The following KLF15 variants were observed in gnomAD, a reference collection of about 807,000 sequenced individuals.
KLF15 encodes the protein KLF transcription factor 15, also known as Krueppel-like factor 15.
KLF15 carries 4 observed loss-of-function variants against 24.6 expected under a neutral mutation model. The observed-to-expected ratio is 0.16, with a 90% CI of 0.08 to 0.37. The LOEUF is 0.37. Ranked by LOEUF, KLF15 falls within the 10% of genes least tolerant of loss-of-function variation. KLF15 has a pLI of 1.00. For synonymous variants in KLF15, 246 were observed against 236.3 expected (o/e 1.04, Z -0.37); for missense variants, 496 against 560.6 (o/e 0.88, Z 1.16).
chr3:126,352,340 G>A lies in KLF15; in HGVS notation c.583C>T (p.Pro195Ser), dbSNP rs891572613. ...GSSGRERCSP[P>S]PGGASAGGAQ... ...CCTCCTGCACTGGCACCACCTGGTG[G>A]AGGGGAACAGCGCTCTCTCCCGCTG... is the stretch of plus-strand genomic sequence containing the variant. The change falls in exon 2 of 3, where the codon CCA (proline) becomes TCA (serine). Residue 195 changes from proline (P) to serine (S), a missense_variant. Pro to Ser is a moderately conservative substitution (Grantham distance 74, BLOSUM62 -1). Transcript: ENST00000296233. 1.3e-6 allele frequency: 2 copies of A among 1,586,040 alleles called. No individual in the cohort carries two copies. The highest frequency in any genetic ancestry group is 1.7e-4 in the Middle Eastern group (1 of 5,896).
downstream of KLF15, among the ~76,000 whole-genome samples, chr3:126,340,381 C>G (rs1279009742): frequency 6.6e-6 from 1 of 152,222 alleles, no homozygotes; most frequent in Admixed American, 6.5e-5. Flanking sequence ...TCCCAGCTGG[C>G]CCAGTCCTGT....
the KLF15 span, among the ~76,000 whole-genome samples, chr3:126,295,051 T>A: frequency 6.6e-6 from 1 of 152,208 alleles, no homozygotes; most frequent in Non-Finnish European, 1.5e-5. Flanking sequence ...TGCACATGCA[T>A]GCACTTATAC....
chr3:126,289,438 T>C, the KLF15 span, among the ~76,000 whole-genome samples: 1 of 152,238 alleles, frequency 6.6e-6, no homozygotes, highest in Non-Finnish European at 1.5e-5. Context: ...TTAATATCTG[T>C]GTTGCATAAA....
the KLF15 span, among the ~76,000 whole-genome samples, chr3:126,326,159 C>T: frequency 4.1e-5 from 4 of 98,106 alleles, no homozygotes; most frequent in African/African-American, 1.7e-4. Flanking sequence ...TGTTCTGTTC[C>T]ATTGATCTAT....
the KLF15 span, among the ~76,000 whole-genome samples, chr3:126,304,405 G>A: frequency 6.6e-6 from 1 of 152,180 alleles, no homozygotes; most frequent in African/African-American, 2.4e-5. Context: ...ACCTATATGA[G>A]CTGTATCAGC....
At position 126,346,288 on chromosome 3, in the gene KLF15, G is replaced by A. The variant is rs538583971; in HGVS notation, c.1083-2393C>T. ...CACAGAGTGCCACGCCTCCCAGGCT[G>A]CAGCCCTGGGGTCACCCAGCATCTC... On this transcript the variant is annotated intron_variant, in intron 2 of 2. Coordinates refer to ENST00000296233, the MANE Select transcript of KLF15 (RefSeq NM_014079.4). 1.1e-3 allele frequency among the ~76,000 whole-genome samples: 167 copies of A among 152,302 alleles called. 1 individual carries two copies. The highest frequency in any genetic ancestry group is 3.8e-3 in the African/African-American group (157 of 41,576).
At chr3:126,311,214 A>T in the KLF15 span, among the ~76,000 whole-genome samples, 2 of 152,192 alleles carry the variant, frequency 1.3e-5, no homozygotes, top group African/African-American at 4.8e-5. Flanking sequence ...CCTCATCCAG[A>T]GACAGGCAAA....
At chr3:126,309,956 C>T in the KLF15 span, among the ~76,000 whole-genome samples, 9 of 152,302 alleles carry the variant, frequency 5.9e-5, no homozygotes, top group South Asian at 1.0e-3. Flanking sequence ...CCGTTTGTCC[C>T]GCAAAAATGG....
At chr3:126,329,547 G>C in the KLF15 span, among the ~76,000 whole-genome samples, 1 of 152,022 alleles carries the variant, frequency 6.6e-6, no homozygotes, top group African/African-American at 2.4e-5. Context: ...ACCTCTATAG[G>C]ATGTTTCAGT....
the KLF15 span, among the ~76,000 whole-genome samples, chr3:126,296,088 G>A: frequency 6.6e-6 from 1 of 152,152 alleles, no homozygotes; most frequent in Non-Finnish European, 1.5e-5. Flanking sequence ...CTTTAACAAG[G>A]TATTATTTAA....
At chr3:126,308,209 G>T in the KLF15 span, among the ~76,000 whole-genome samples, 1 of 152,204 alleles carries the variant, frequency 6.6e-6, no homozygotes, top group African/African-American at 2.4e-5. Flanking sequence ...GGGCAGGCAG[G>T]AAGCGAATAT....
chr3:126,293,594 C>A, the KLF15 span, among the ~76,000 whole-genome samples: 1 of 152,164 alleles, frequency 6.6e-6, no homozygotes, highest in African/African-American at 2.4e-5. Context: ...ACTCTAAATG[C>A]CTCTCACCCC....
At chr3:126,333,370 C>A in the KLF15 span, among the ~76,000 whole-genome samples, 1 of 149,328 alleles carries the variant, frequency 6.7e-6, no homozygotes, top group Non-Finnish European at 1.5e-5. Context: ...CAAGCAAATG[C>A]TGAGAGATTT....
chr3:126,356,068 G>A lies in KLF15; in HGVS notation c.-26+1169C>T, dbSNP rs1443085100. Among the ~76,000 whole-genome samples the A allele has an allele frequency of 6.6e-6, 1 of 152,186 alleles. No homozygotes were observed. Among genetic ancestry groups the A allele is most frequent in the Admixed American group, 6.5e-5 (1 of 15,290 alleles). On this transcript the variant is annotated intron_variant, in intron 1 of 2. Coordinates refer to ENST00000296233, the MANE Select transcript of KLF15 (RefSeq NM_014079.4). The surrounding 1 kb of genome is among the most constrained non-coding windows in gnomAD (Gnocchi z 4.4). ...GGCCAGGCCTGCTGTTTATCCTCCC[G>A]GGGACACAGCGGCTGCAGGAACAAC...
chr3:126,328,033 G>A, the KLF15 span, among the ~76,000 whole-genome samples: 9 of 152,026 alleles, frequency 5.9e-5, no homozygotes, highest in African/African-American at 1.4e-4. Context: ...CCCATCACCC[G>A]ACCAGTATAC....
At chr3:126,353,059 G>T (rs913207070) in intron 1 of KLF15, 112 bp from the exon 2 acceptor site, 5 of 1,229,226 alleles carry the variant, frequency 4.1e-6, no homozygotes, top group African/African-American at 3.1e-5. Flanking sequence ...ATTGCCAAAC[G>T]CCTGGATCCT....
At chr3:126,327,579 C>T in the KLF15 span, among the ~76,000 whole-genome samples, 3 of 152,106 alleles carry the variant, frequency 2.0e-5, no homozygotes, top group African/African-American at 7.2e-5. Context: ...TTTGACCCGC[C>T]TTGCTGTTGA....
At chr3:126,329,054 A>G in the KLF15 span, among the ~76,000 whole-genome samples, 2 of 152,296 alleles carry the variant, frequency 1.3e-5, no homozygotes, top group South Asian at 4.1e-4. Context: ...GGTAGTGTCA[A>G]GCATGTCTAT....
chr3:126,301,277 C>T, the KLF15 span, among the ~76,000 whole-genome samples: 1 of 152,172 alleles, frequency 6.6e-6, no homozygotes, highest in Non-Finnish European at 1.5e-5. Context: ...TCACGTGTTT[C>T]GCTTTCTCGC....
Sources: allele counts gnomAD v4.1 joint callset (sites outside exome capture counted in the v4.1 genomes callset), GRCh38; gene constraint gnomAD v4.1.1; non-coding constraint Gnocchi (gnomAD v3.1); transcripts MANE v1.5; gene names NCBI Gene and HGNC (gene_info 2026-07-23, HGNC 2026-07-21).